Variants in MBOAT2 observed in about 807,000 individuals in gnomAD.
The protein encoded by MBOAT2 is membrane-bound glycerophospholipid O-acyltransferase 2.
MBOAT2 carries 28 observed loss-of-function variants against 63.4 expected under a neutral mutation model. The ratio of observed to expected loss-of-function variants is 0.44; its 90% CI spans 0.33 to 0.61. The LOEUF (loss-of-function observed/expected upper bound fraction) is 0.61. MBOAT2 is among the 20% of genes least tolerant of loss of function. The pLI, the probability that MBOAT2 is intolerant of heterozygous loss-of-function variation, is 0.03. For synonymous variants in MBOAT2, 211 were observed against 215.6 expected, an observed-to-expected ratio of 0.98 and a Z score of 0.19; for missense variants, 470 against 605.8, an observed-to-expected ratio of 0.78 and a Z score of 2.35.
At chr2:8,949,440 G>C (rs1668656160) in intron 2 of MBOAT2, among the ~76,000 whole-genome samples, 1 of 147,068 alleles carries the variant, frequency 6.8e-6, no homozygotes, top group African/African-American at 2.5e-5. Context: ...GATGTTCCTT[G>C]CTTTTTTTTT....
intron 2 of MBOAT2, among the ~76,000 whole-genome samples, chr2:8,957,132 A>G (rs1333319000): frequency 6.6e-6 from 1 of 152,212 alleles, no homozygotes; most frequent in Non-Finnish European, 1.5e-5. Flanking sequence ...AGGATAAAAC[A>G]AGAATGGTGG....
At chr2:8,994,295 G>T (rs909466502) in intron 1 of MBOAT2, among the ~76,000 whole-genome samples, 1 of 152,212 alleles carries the variant, frequency 6.6e-6, no homozygotes, top group Non-Finnish European at 1.5e-5. Flanking sequence ...TGAAAGCGGG[G>T]CATGATGGGA....
At chr2:8,952,760 T>G (rs1165825116) in intron 2 of MBOAT2, among the ~76,000 whole-genome samples, 1 of 151,490 alleles carries the variant, frequency 6.6e-6, no homozygotes, top group African/African-American at 2.4e-5. Context: ...TTTTTACTGT[T>G]GCCGGTTTTA....
intron 4 of MBOAT2, among the ~76,000 whole-genome samples, chr2:8,903,069 G>A (rs1665078463): frequency 6.6e-6 from 1 of 152,096 alleles, no homozygotes; most frequent in Non-Finnish European, 1.5e-5. Context: ...CAATCCTTGA[G>A]CTAGACACAA....
At chr2:8,873,939 G>C (rs972732772) in intron 7 of MBOAT2, among the ~76,000 whole-genome samples, 1 of 152,268 alleles carries the variant, frequency 6.6e-6, no homozygotes, top group Non-Finnish European at 1.5e-5. Context: ...AACTCATGCT[G>C]TTTTTATATT....
At chr2:8,956,755 T>C (rs1037976571) in intron 2 of MBOAT2, among the ~76,000 whole-genome samples, 1 of 152,200 alleles carries the variant, frequency 6.6e-6, no homozygotes, top group Non-Finnish European at 1.5e-5. Context: ...TACTTCAGAC[T>C]ACCTGACATT....
At chr2:8,934,309 A>G (rs1043372194) in intron 3 of MBOAT2, among the ~76,000 whole-genome samples, 1 of 152,174 alleles carries the variant, frequency 6.6e-6, no homozygotes, top group Admixed American at 6.5e-5. Context: ...CAGTCTATTT[A>G]GAGTATTTTT....
chr2:8,927,268 T>G (rs187251506), intron 3 of MBOAT2, among the ~76,000 whole-genome samples: 1 of 152,310 alleles, frequency 6.6e-6, no homozygotes, highest in Admixed American at 6.5e-5. Context: ...TGTTACTTCT[T>G]AAACACTTTA....
intron 4 of MBOAT2, among the ~76,000 whole-genome samples, chr2:8,890,533 C>A (rs185985558): frequency 6.6e-6 from 1 of 152,216 alleles, no homozygotes; most frequent in East Asian, 1.9e-4. Flanking sequence ...AAAAAAATGT[C>A]TTTTTCATCA....
intron 3 of MBOAT2, among the ~76,000 whole-genome samples, chr2:8,918,425 G>C (rs1666338546): frequency 6.6e-6 from 1 of 152,152 alleles, no homozygotes; most frequent in African/African-American, 2.4e-5. Context: ...CACCATAACA[G>C]AGATAATAAA....
intron 6 of MBOAT2, among the ~76,000 whole-genome samples, chr2:8,879,680 A>C (rs1487761311): frequency 6.6e-6 from 1 of 152,090 alleles, no homozygotes; most frequent in Non-Finnish European, 1.5e-5. Context: ...CGCCAGTAGC[A>C]CCACCCGCCT....
intron 3 of MBOAT2, among the ~76,000 whole-genome samples, chr2:8,909,517 T>C (rs950903254): frequency 6.6e-6 from 1 of 152,030 alleles, no homozygotes; most frequent in African/African-American, 2.4e-5. Context: ...TGTTCTGAAA[T>C]TGGGGAAGGA....
intron 1 of MBOAT2, among the ~76,000 whole-genome samples, chr2:8,962,315 C>T (rs893040861): frequency 6.6e-6 from 1 of 152,076 alleles, no homozygotes; most frequent in South Asian, 2.1e-4. Context: ...TAAAAACAAA[C>T]CCCAAACAGA....
intron 4 of MBOAT2, among the ~76,000 whole-genome samples, chr2:8,897,268 T>C (rs907287933): frequency 6.6e-6 from 1 of 152,168 alleles, no homozygotes; most frequent in Non-Finnish European, 1.5e-5. Context: ...TCTGACTTTC[T>C]GTCTCTTTCT....
intron 1 of MBOAT2, among the ~76,000 whole-genome samples, chr2:9,002,139 G>A (rs978437033): frequency 6.6e-6 from 1 of 151,950 alleles, no homozygotes; most frequent in African/African-American, 2.4e-5. Flanking sequence ...TATTAATAAA[G>A]AGAGAAGAAT....
At chr2:8,995,790 A>T (rs1672250203) in intron 1 of MBOAT2, among the ~76,000 whole-genome samples, 1 of 152,036 alleles carries the variant, frequency 6.6e-6, no homozygotes, top group South Asian at 2.1e-4. Context: ...ACGGGGTTTC[A>T]CCGTGTTAGC....
intron 3 of MBOAT2, among the ~76,000 whole-genome samples, chr2:8,922,650 C>A (rs1666661349): frequency 6.6e-6 from 1 of 152,232 alleles, no homozygotes; most frequent in African/African-American, 2.4e-5. Context: ...GGAGCTTATG[C>A]TCAAACACCC....
At chr2:8,863,367 GTATCGT>G in intron 10 of MBOAT2, among the ~76,000 whole-genome samples, 1 of 152,242 alleles carries the variant, frequency 6.6e-6, no homozygotes, top group East Asian at 1.9e-4. Flanking sequence ...GCTTATCACC[GTATCGT>G]TATAGGGGCC....
chr2:8,915,528 GT>G (rs1440673656), intron 3 of MBOAT2, among the ~76,000 whole-genome samples: 2 of 152,038 alleles, frequency 1.3e-5, no homozygotes, highest in Non-Finnish European at 2.9e-5. Flanking sequence ...GGTGGTGGGG[GT>G]TTTTTTGTTT....
Sources: gnomAD v4.1 joint callset for allele counts (sites outside exome capture counted in the v4.1 genomes callset) on GRCh38, gnomAD v4.1.1 for gene constraint, MANE v1.5 for transcripts, NCBI Gene and HGNC (gene_info 2026-07-23, HGNC 2026-07-21) for gene names.